Variants in NHS observed in about 807,000 individuals in gnomAD.
The protein encoded by NHS is NHS actin remodeling regulator.
A neutral mutation model predicts 72.5 loss-of-function variants in NHS; 5 were observed. That is an observed-to-expected ratio of 0.07 (90% CI 0.04 to 0.14). NHS has a LOEUF of 0.14. Ranked by LOEUF, NHS falls within the 10% of genes least tolerant of loss-of-function variation. The pLI, the probability that NHS is intolerant of heterozygous loss-of-function variation, is 1.00. For synonymous variants in NHS, 464 were observed against 547.7 expected (o/e 0.85, Z 2.13); for missense variants, 1,072 against 1,355.7 (o/e 0.79, Z 3.29).
intron 1 of NHS, among the ~76,000 whole-genome samples, chrX:17,484,010 C>G (rs770827600): frequency 1.8e-5 from 2 of 111,926 alleles, no homozygotes; most frequent in Non-Finnish European, 3.8e-5. Flanking sequence ...GTTAGGTGGT[C>G]CTATTCCATT....
chrX:17,604,013 G>A (rs934788985), intron 1 of NHS, among the ~76,000 whole-genome samples: 2 of 110,750 alleles, frequency 1.8e-5, no homozygotes, highest in African/African-American at 6.6e-5. Flanking sequence ...AACAATATCT[G>A]TGTCCTCATA....
At chrX:17,468,744 AG>A (rs766794096) in intron 1 of NHS, among the ~76,000 whole-genome samples, 74 of 110,647 alleles carry the variant, frequency 6.7e-4, no homozygotes, top group African/African-American at 2.3e-3. Context: ...TTGTAGAGAC[AG>A]GGTCCCGGTA....
intron 1 of NHS, among the ~76,000 whole-genome samples, chrX:17,625,675 T>A (rs942634398): frequency 8.9e-6 from 1 of 112,386 alleles, no homozygotes; most frequent in Non-Finnish European, 1.9e-5. Flanking sequence ...AATTAAAAAA[T>A]TTTTAGTAAC....
intron 1 of NHS, among the ~76,000 whole-genome samples, chrX:17,646,522 C>G (rs1327641831): frequency 2.7e-5 from 3 of 111,602 alleles, no homozygotes; most frequent in African/African-American, 9.8e-5. Context: ...ACCTTCCCTC[C>G]CAATTGAGTA....
intron 1 of NHS, among the ~76,000 whole-genome samples, chrX:17,649,680 T>C (rs961727736): frequency 3.6e-5 from 4 of 111,712 alleles, no homozygotes; most frequent in African/African-American, 1.3e-4. Context: ...CAGGTCACAA[T>C]AGAGTAGTTT....
chrX:17,391,264 A>G (rs750773308), intron 1 of NHS, among the ~76,000 whole-genome samples: 1 of 111,822 alleles, frequency 8.9e-6, no homozygotes, highest in South Asian at 3.8e-4. Flanking sequence ...TGAACTTTCT[A>G]GTTAAGAGTA....
At chrX:17,665,983 T>C (rs2066010655) in intron 1 of NHS, among the ~76,000 whole-genome samples, 1 of 111,771 alleles carries the variant, frequency 8.9e-6, no homozygotes, top group Non-Finnish European at 1.9e-5. Flanking sequence ...AAGTAGGACT[T>C]TGAAGAGAAG....
At chrX:17,573,542 C>G (rs1411026893) in intron 1 of NHS, among the ~76,000 whole-genome samples, 1 of 109,823 alleles carries the variant, frequency 9.1e-6, no homozygotes, top group Non-Finnish European at 1.9e-5. Context: ...ATCATTTAAG[C>G]TCTTCTCTAC....
At chrX:17,558,644 C>T (rs2065394728) in intron 1 of NHS, among the ~76,000 whole-genome samples, 1 of 112,137 alleles carries the variant, frequency 8.9e-6, no homozygotes, top group African/African-American at 3.2e-5. Context: ...AGGAATGGTA[C>T]CTATCTCAAA....
chrX:17,443,547 C>T (rs888499192), intron 1 of NHS, among the ~76,000 whole-genome samples: 7 of 111,578 alleles, frequency 6.3e-5, no homozygotes, highest in African/African-American at 9.8e-5. Flanking sequence ...TGATTAGTGG[C>T]CCACCACTGA....
chrX:17,376,126 C>T lies in NHS; in HGVS notation c.369C>T (p.Asp123=). 8.5e-7 allele frequency: 1 copy of T among 1,176,200 alleles called. No individual in the cohort carries two copies. The highest frequency in any genetic ancestry group is 3.1e-5 in the East Asian group (1 of 32,622). Residue 123 remains aspartate, a synonymous_variant, in exon 1 of 9, where the codon GAC becomes GAT. Coordinates refer to ENST00000676302, the MANE Select transcript of NHS (RefSeq NM_001291867.2). ...CGGCGGCCGTGCTGCTCATGCTGGA[C>T]CTATGCGCGGTCAGCAACGCCGCTC... ...AAAAAVLLML[D]LCAVSNAALA...
intron 1 of NHS, among the ~76,000 whole-genome samples, chrX:17,596,688 G>A (rs1022465955): frequency 9.0e-6 from 1 of 111,511 alleles, no homozygotes; most frequent in African/African-American, 3.3e-5. Flanking sequence ...TGAGAGTCTG[G>A]AATTTGGTAT....
chrX:17,552,348 G>A (rs1235434599), intron 1 of NHS: 1 of 112,156 alleles, frequency 8.9e-6, no homozygotes, highest in Non-Finnish European at 1.9e-5. Context: ...CGGAGCAGGA[G>A]GGCATTAAAC....
At chrX:17,453,177 C>T (rs1384145638) in intron 1 of NHS, among the ~76,000 whole-genome samples, 6 of 110,850 alleles carry the variant, frequency 5.4e-5, no homozygotes, top group Non-Finnish European at 1.1e-4. Context: ...CATACAGTCT[C>T]ATTGATATAG....
intron 1 of NHS, among the ~76,000 whole-genome samples, chrX:17,649,528 G>T (rs1245237103): frequency 1.4e-4 from 15 of 110,610 alleles, no homozygotes; most frequent in African/African-American, 4.9e-4. Context: ...GCTCCATTTT[G>T]GCTAAATCAT....
At chrX:17,505,573 C>T (rs919934493) in intron 1 of NHS, among the ~76,000 whole-genome samples, 1 of 110,545 alleles carries the variant, frequency 9.0e-6, no homozygotes. Flanking sequence ...TTACAGAATA[C>T]AGATTACGCC....
chrX:17,401,461 G>C (rs932329862), intron 1 of NHS, among the ~76,000 whole-genome samples: 1 of 112,304 alleles, frequency 8.9e-6, no homozygotes, highest in Non-Finnish European at 1.9e-5. Flanking sequence ...ATGGGAGAAA[G>C]TATTTGCAGG....
chrX:17,692,497 T>G, intron 3 of NHS, 29 bp downstream of exon 3: 2 of 1,208,949 alleles, frequency 1.7e-6, no homozygotes, highest in Non-Finnish European at 2.2e-6. Flanking sequence ...TGCAGCCCTA[T>G]GCTTGCTGCT....
intron 1 of NHS, among the ~76,000 whole-genome samples, chrX:17,521,009 A>G (rs1159699938): frequency 9.0e-6 from 1 of 111,578 alleles, no homozygotes; most frequent in East Asian, 2.8e-4. Context: ...TCGCACGCAC[A>G]GTACAGTCTA....
Sources: allele counts gnomAD v4.1 joint callset (sites outside exome capture counted in the v4.1 genomes callset), GRCh38; gene constraint gnomAD v4.1.1; transcripts MANE v1.5; gene names NCBI Gene and HGNC (gene_info 2026-07-23, HGNC 2026-07-21).